Variants in ZFYVE28 observed in about 807,000 individuals in gnomAD.
ZFYVE28 encodes lateral signaling target protein 2 homolog.
A neutral mutation model predicts 82.1 loss-of-function variants in ZFYVE28; 40 were observed. That is an observed-to-expected ratio of 0.49 (90% CI 0.38 to 0.63). The LOEUF is 0.63. Among genes scored for constraint, ZFYVE28 ranks in the 30% least tolerant of loss-of-function variants. The probability of loss-of-function intolerance (pLI) is 0.00; values close to 1 mark genes in which losing one functional copy is unlikely to be tolerated. For missense variants in ZFYVE28, 1,321 were observed against 1,242.1 expected, an observed-to-expected ratio of 1.06 and a Z score of -0.96; for synonymous variants, 612 against 546.1, an observed-to-expected ratio of 1.12 and a Z score of -1.68.
chr4:2,332,923 G>A lies in ZFYVE28; in HGVS notation c.701+2782C>T, dbSNP rs1720944912. 6.6e-6 allele frequency among the ~76,000 whole-genome samples: 1 copy of A among 152,088 alleles called. No homozygotes were observed. On this transcript the variant is annotated intron_variant, in intron 6 of 12. Coordinates refer to ENST00000290974, the MANE Select transcript of ZFYVE28 (RefSeq NM_020972.3). This position sits in a 1 kb window ranked among gnomAD's most constrained non-coding sequence, Gnocchi z 4.7. ...CTGTGGCTAGATGCCTGCCTCTGTG[G>A]GGGCTCACAGCTGGCCACCCCCCTG...
At chr4:2,329,895 G>A (rs1720405435) in intron 6 of ZFYVE28, among the ~76,000 whole-genome samples, 1 of 152,068 alleles carries the variant, frequency 6.6e-6, no homozygotes, top group Non-Finnish European at 1.5e-5. Flanking sequence ...AATCTTTGTG[G>A]ATATATATTT....
At chr4:2,391,737 T>A in intron 1 of ZFYVE28, among the ~76,000 whole-genome samples, 1 of 96,550 alleles carries the variant, frequency 1.0e-5, no homozygotes, top group African/African-American at 3.1e-5. Flanking sequence ...CAATTCTCTC[T>A]CTCTTTTTTT....
At position 2,304,675 on chromosome 4, in the gene ZFYVE28, C is replaced by T. The variant is rs1468574776; in HGVS notation, c.1665G>A (p.Gly555=). 4 of 1,612,474 alleles carry T rather than the reference C, an allele frequency of 2.5e-6. No individual in the cohort carries two copies. The highest frequency in any genetic ancestry group is 3.4e-6 in the Non-Finnish European group (4 of 1,179,864). ...MDGGPHKLST[G]ATNCLLHSCV... is the part of the protein sequence containing the mutation. ...AGGAATGCAGAAGGCAGTTGGTGGC[C>T]CCAGTGCTAAGCTTGTGGGGGCCGC... is the stretch of plus-strand genomic sequence containing the variant. The change falls in exon 8 of 13, where the codon GGG becomes GGA. Residue 555 remains glycine (G), a synonymous_variant. Transcript: ENST00000290974.
intron 6 of ZFYVE28, among the ~76,000 whole-genome samples, chr4:2,329,922 A>G (rs1720410217): frequency 6.6e-6 from 1 of 152,214 alleles, no homozygotes. Flanking sequence ...CCTCAGATCA[A>G]TGCAACAAAA....
At chr4:2,337,921 T>C (rs533203082) in intron 4 of ZFYVE28, among the ~76,000 whole-genome samples, 26 of 149,870 alleles carry the variant, frequency 1.7e-4, no homozygotes, top group African/African-American at 6.2e-4. Context: ...GGCAGTTTCA[T>C]AGTACACAGC....
At chr4:2,282,460 T>C (rs571708061) in intron 8 of ZFYVE28, among the ~76,000 whole-genome samples, 1 of 151,838 alleles carries the variant, frequency 6.6e-6, no homozygotes, top group South Asian at 2.1e-4. Context: ...ATCATTGGGG[T>C]GGGAAAAGTG....
intron 8 of ZFYVE28, among the ~76,000 whole-genome samples, chr4:2,275,165 T>C (rs1416797288): frequency 6.6e-6 from 1 of 152,150 alleles, no homozygotes; most frequent in African/African-American, 2.4e-5. Context: ...TGGATGCCCT[T>C]GGAGGCTGAG....
At chr4:2,282,432 G>A (rs111852480) in intron 8 of ZFYVE28, among the ~76,000 whole-genome samples, 7 of 152,208 alleles carry the variant, frequency 4.6e-5, no homozygotes, top group African/African-American at 1.7e-4. Flanking sequence ...CACACAGGGG[G>A]GATAAATGGC....
At chr4:2,290,181 C>G (rs1713398818) in intron 8 of ZFYVE28, among the ~76,000 whole-genome samples, 1 of 152,304 alleles carries the variant, frequency 6.6e-6, no homozygotes, top group African/African-American at 2.4e-5. Context: ...CAAGGCCGCC[C>G]ATGCTGGCAA....
At position 2,340,956 on chromosome 4, in the gene ZFYVE28, G is replaced by A. The variant is rs533958249; in HGVS notation, c.318+522C>T. ...CTCGGGAGCACGGCAAGGGGAGGAGGCTGGGGAGTCCGCATGGTGGGGGCC... is the reference window on the plus strand; with the variant it reads ...CTCGGGAGCACGGCAAGGGGAGGAGACTGGGGAGTCCGCATGGTGGGGGCC... On this transcript the variant is annotated intron_variant, in intron 3 of 12. Transcript: ENST00000290974. Among the ~76,000 whole-genome samples, 6 of 152,198 alleles carry A rather than the reference G, an allele frequency of 3.9e-5. 1 individual carries two copies. The East Asian group carries it at 1.2e-3, about 29-fold the overall frequency.
rs535617522 is a variant in ZFYVE28 at position 2,417,335 on chromosome 4, A to C, written c.39+950T>G. ...GGATCCTGAACACCGCCGCGCCTTC[A>C]TCCCGCGCCGAGCGCGCCCGGCCCT... On this transcript the variant is annotated intron_variant, in intron 1 of 12. Transcript: ENST00000290974. The surrounding 1 kb of genome is among the most constrained non-coding windows in gnomAD (Gnocchi z 4.8). Among the ~76,000 whole-genome samples the C allele has an allele frequency of 2.6e-5, 4 of 151,918 alleles. No homozygotes were observed. The highest frequency in any genetic ancestry group is 4.8e-5 in the African/African-American group (2 of 41,522).
At chr4:2,367,704 G>A (rs1456685326) in intron 1 of ZFYVE28, among the ~76,000 whole-genome samples, 1 of 152,204 alleles carries the variant, frequency 6.6e-6, no homozygotes, top group Non-Finnish European at 1.5e-5. Context: ...AGGATGCTCT[G>A]GCCTTTGCTT....
intron 2 of ZFYVE28, among the ~76,000 whole-genome samples, chr4:2,352,699 G>T (rs970984639): frequency 1.3e-5 from 2 of 152,122 alleles, no homozygotes; most frequent in Non-Finnish European, 2.9e-5. Flanking sequence ...AAAGCCTGTG[G>T]CAGCGGGAAG....
Position 2,320,086 on chromosome 4 carries a change from G to A in ZFYVE28, c.803+84C>T, listed in dbSNP as rs17131900. 9,476 of 1,289,652 alleles carry A rather than the reference G, an allele frequency of 7.3e-3. 509 individuals carry two copies. The African/African-American group carries it at 0.12, about 16-fold the overall frequency. 79.9% of individuals were successfully genotyped at this position (1,289,652 alleles called of 1,614,324 possible). A position where few individuals can be genotyped will look rare whatever the true frequency, so the allele number is the denominator to read the frequency against. On this transcript the variant is annotated intron_variant, in intron 7 of 12. Transcript: ENST00000290974. The surrounding 1 kb of genome is among the most constrained non-coding windows in gnomAD (Gnocchi z 5.1). ...TCACAGAGAGGAGGAGGACCTGGAG[G>A]CGGCGGCTAAACATGACTTCAGCGC... is the stretch of plus-strand genomic sequence containing the variant.
Position 2,304,273 on chromosome 4 carries a change from C to T in ZFYVE28, c.2051+16G>A, listed in dbSNP as rs553683204. 52 of 1,545,644 alleles carry T rather than the reference C, an allele frequency of 3.4e-5. No individual in the cohort carries two copies. In the East Asian group the frequency reaches 9.9e-4, roughly 29 times the overall value. ...AGAGAGGACAAACCCAGTCTCTGGGCCAGACTGGCTCTTACCTGGAGCCCG... is the reference window on the plus strand; with the variant it reads ...AGAGAGGACAAACCCAGTCTCTGGGTCAGACTGGCTCTTACCTGGAGCCCG... On this transcript the variant is annotated intron_variant, in intron 8 of 12. Coordinates refer to ENST00000290974, the MANE Select transcript of ZFYVE28 (RefSeq NM_020972.3).
chr4:2,310,180 A>C (rs879912565), intron 7 of ZFYVE28, among the ~76,000 whole-genome samples: 21 of 152,104 alleles, frequency 1.4e-4, no homozygotes, highest in Non-Finnish European at 2.6e-4. Context: ...CTGTCAGTAC[A>C]GATGTGTACC....
At chr4:2,413,655 G>C (rs1732748965) in intron 1 of ZFYVE28, among the ~76,000 whole-genome samples, 1 of 152,224 alleles carries the variant, frequency 6.6e-6, no homozygotes, top group African/African-American at 2.4e-5. Context: ...CCACAGCTGG[G>C]CACTTGGAGT....
intron 1 of ZFYVE28, among the ~76,000 whole-genome samples, chr4:2,411,290 G>C (rs7662675): frequency 0.41 from 62,085 of 151,934 alleles, 13,259 homozygotes; most frequent in East Asian, 0.52. Context: ...AGAAATGGAA[G>C]AGCTTCAAAA....
At chr4:2,371,912 C>G (rs973149628) in intron 1 of ZFYVE28, among the ~76,000 whole-genome samples, 1 of 151,946 alleles carries the variant, frequency 6.6e-6, no homozygotes, top group Non-Finnish European at 1.5e-5. Flanking sequence ...GCTCCAGGGC[C>G]GTGAGCTGAT....
Sources: allele counts gnomAD v4.1 joint callset (sites outside exome capture counted in the v4.1 genomes callset), GRCh38; gene constraint gnomAD v4.1.1; non-coding constraint Gnocchi (gnomAD v3.1); transcripts MANE v1.5; gene names NCBI Gene and HGNC (gene_info 2026-07-23, HGNC 2026-07-21).